The following CNTLN variants were observed in gnomAD, a reference collection of about 807,000 sequenced individuals.
The protein encoded by CNTLN is centlein, centrosomal protein.
CNTLN carries 212 observed loss-of-function variants against 180.0 expected under a neutral mutation model. That is an observed-to-expected ratio of 1.18 (90% CI 1.05 to 1.32). CNTLN has a LOEUF of 1.32. CNTLN is among the 40% of genes most tolerant of loss of function. The probability of loss-of-function intolerance (pLI) is 0.00; values close to 1 mark genes in which losing one functional copy is unlikely to be tolerated. For missense variants in CNTLN, 2,095 were observed against 1,610.9 expected, an observed-to-expected ratio of 1.30 and a Z score of -5.14; for synonymous variants, 722 against 563.1, an observed-to-expected ratio of 1.28 and a Z score of -3.99.
At chr9:17,202,646 G>GTTTTTTTTTTTTT (rs57960408) in intron 2 of CNTLN, among the ~76,000 whole-genome samples, 25 of 71,460 alleles carry the variant, frequency 3.5e-4, no homozygotes, top group African/African-American at 1.0e-3. Context: ...TGCAACCTCT[G>GTTTTTTTTTTTTT]TTTTTTTTTT....
chr9:17,443,033 A>G (rs980917641), intron 18 of CNTLN, among the ~76,000 whole-genome samples: 1 of 151,568 alleles, frequency 6.6e-6, no homozygotes, highest in African/African-American at 2.4e-5. Flanking sequence ...TTCTGTTAAA[A>G]GGTGTCTACC....
intron 12 of CNTLN, among the ~76,000 whole-genome samples, chr9:17,365,490 G>A (rs1424883775): frequency 6.6e-6 from 1 of 152,046 alleles, no homozygotes; most frequent in Non-Finnish European, 1.5e-5. Context: ...CACATTCTGA[G>A]GTCCCCATGG....
At chr9:17,414,784 C>T (rs185269288) in intron 16 of CNTLN, among the ~76,000 whole-genome samples, 61 of 152,174 alleles carry the variant, frequency 4.0e-4, no homozygotes, top group African/African-American at 1.4e-3. Flanking sequence ...ATCTATGTTT[C>T]CCAGCCAATA....
chr9:17,203,039 A>G (rs1206539092), intron 2 of CNTLN, among the ~76,000 whole-genome samples: 1 of 145,112 alleles, frequency 6.9e-6, no homozygotes, highest in African/African-American at 2.7e-5. Context: ...TGGTGGTGAC[A>G]GAGTCCCTCA....
chr9:17,444,975 T>G (rs565477281), intron 18 of CNTLN, among the ~76,000 whole-genome samples: 4 of 152,304 alleles, frequency 2.6e-5, no homozygotes, highest in African/African-American at 9.6e-5. Flanking sequence ...TTCTACTCTA[T>G]GCTATGAAAG....
At chr9:17,355,947 C>G (rs1453678705) in intron 12 of CNTLN, among the ~76,000 whole-genome samples, 1 of 151,624 alleles carries the variant, frequency 6.6e-6, no homozygotes, top group Non-Finnish European at 1.5e-5. Flanking sequence ...GCCTGTAGTC[C>G]CAGCTACTCG....
chr9:17,268,596 G>A (rs986964568), intron 5 of CNTLN, among the ~76,000 whole-genome samples: 1 of 152,196 alleles, frequency 6.6e-6, no homozygotes, highest in African/African-American at 2.4e-5. Context: ...TGTCTGCAGA[G>A]GTTACTGCTG....
At chr9:17,432,500 C>G (rs187532976) in intron 18 of CNTLN, among the ~76,000 whole-genome samples, 44 of 152,002 alleles carry the variant, frequency 2.9e-4, no homozygotes, top group African/African-American at 9.9e-4. Context: ...ATGAAAAACA[C>G]AGAAGATATA....
At chr9:17,392,215 T>G (rs2133700997) in intron 14 of CNTLN, among the ~76,000 whole-genome samples, 1 of 152,194 alleles carries the variant, frequency 6.6e-6, no homozygotes, top group East Asian at 1.9e-4. Context: ...TGAAAAACCA[T>G]GATCGAGCCA....
At chr9:17,300,605 C>T (rs1180146938) in intron 7 of CNTLN, 2 of 152,162 alleles carry the variant, frequency 1.3e-5, no homozygotes, top group East Asian at 3.8e-4. Flanking sequence ...GATCTTAAGC[C>T]TTTTGACATA....
chr9:17,442,802 T>TG (rs1350946845), intron 18 of CNTLN, among the ~76,000 whole-genome samples: 2 of 152,170 alleles, frequency 1.3e-5, no homozygotes, highest in African/African-American at 4.8e-5. Flanking sequence ...CCTGAATTTA[T>TG]GGGCTGCAAG....
At chr9:17,321,747 C>A (rs894633192) in intron 8 of CNTLN, among the ~76,000 whole-genome samples, 1 of 152,132 alleles carries the variant, frequency 6.6e-6, no homozygotes, top group Non-Finnish European at 1.5e-5. Flanking sequence ...TAACTTTTGT[C>A]ATACTTTAGT....
At chr9:17,336,399 T>A (rs777081944) in intron 10 of CNTLN, among the ~76,000 whole-genome samples, 22 of 152,322 alleles carry the variant, frequency 1.4e-4, no homozygotes, top group Non-Finnish European at 2.2e-4. Flanking sequence ...TATATTTACA[T>A]TTTTATAAAA....
At chr9:17,320,925 A>G (rs966431073) in intron 8 of CNTLN, among the ~76,000 whole-genome samples, 11 of 152,228 alleles carry the variant, frequency 7.2e-5, no homozygotes, top group Admixed American at 4.6e-4. Context: ...GCCAAACTGC[A>G]TTCCAGCAGG....
At chr9:17,325,726 T>C (rs1181836537) in intron 8 of CNTLN, among the ~76,000 whole-genome samples, 1 of 152,002 alleles carries the variant, frequency 6.6e-6, no homozygotes, top group Non-Finnish European at 1.5e-5. Flanking sequence ...ATTCGTAAAT[T>C]TCTTAAAACA....
chr9:17,327,701 C>G (rs1007679421), intron 8 of CNTLN, among the ~76,000 whole-genome samples: 1 of 152,042 alleles, frequency 6.6e-6, no homozygotes, highest in Non-Finnish European at 1.5e-5. Flanking sequence ...TGCCTGTAAT[C>G]CCAACCCTTT....
intron 6 of CNTLN, among the ~76,000 whole-genome samples, chr9:17,284,414 G>T (rs887785389): frequency 6.6e-6 from 1 of 152,034 alleles, no homozygotes; most frequent in African/African-American, 2.4e-5. Context: ...GGCTGGTAGG[G>T]TATTTGTTAC....
intron 19 of CNTLN, among the ~76,000 whole-genome samples, chr9:17,459,759 A>G (rs926655872): frequency 4.0e-5 from 6 of 151,554 alleles, no homozygotes; most frequent in Non-Finnish European, 8.9e-5. Context: ...TCTTCCTTCT[A>G]TGTGTCTGTG....
downstream of CNTLN, among the ~76,000 whole-genome samples, chr9:17,504,480 G>T (rs1833895632): frequency 6.6e-6 from 1 of 152,118 alleles, no homozygotes; most frequent in Non-Finnish European, 1.5e-5. Flanking sequence ...CTGAGAAATG[G>T]CCCCTGAAGA....
Sources: gnomAD v4.1 joint callset for allele counts (sites outside exome capture counted in the v4.1 genomes callset) on GRCh38, gnomAD v4.1.1 for gene constraint, MANE v1.5 for transcripts, NCBI Gene and HGNC (gene_info 2026-07-23, HGNC 2026-07-21) for gene names.